The following OPCML variants were observed in gnomAD, a reference collection of about 807,000 sequenced individuals.
OPCML encodes opioid binding protein/cell adhesion molecule like.
Under a neutral mutation model 37.8 loss-of-function variants are expected in OPCML, and 13 were observed. That is an observed-to-expected ratio of 0.34 (90% CI 0.22 to 0.55). The LOEUF is 0.55. Ranked by LOEUF, OPCML falls within the 20% of genes least tolerant of loss-of-function variation. The pLI is 0.91. For synonymous variants in OPCML, 176 were observed against 168.8 expected, an observed-to-expected ratio of 1.04 and a Z score of -0.33; for missense variants, 341 against 435.6, an observed-to-expected ratio of 0.78 and a Z score of 1.93.
rs1053950107 is a variant in OPCML, at chr11:132,762,023, C to T, written c.147-104704G>A. On this transcript the variant is annotated intron_variant, in intron 2 of 7. Coordinates refer to ENST00000524381, the MANE Select transcript of OPCML (RefSeq NM_001012393.5). ...GGTGTCTTTTTTGTTGATGTTGATG[C>T]TCTCGCTTTCTGTTTGTTAGTTTTC... Among the ~76,000 whole-genome samples the T allele has an allele frequency of 3.9e-5, 6 of 152,162 alleles. No individual in the cohort carries two copies. The South Asian group carries it at 1.2e-3, about 31-fold the overall frequency.
intron 1 of OPCML, among the ~76,000 whole-genome samples, chr11:133,346,432 G>T (rs1424825667): frequency 6.6e-6 from 1 of 152,178 alleles, no homozygotes; most frequent in African/African-American, 2.4e-5. Context: ...GAGAACAGAG[G>T]CCAATATCGA....
intron 1 of OPCML, among the ~76,000 whole-genome samples, chr11:133,079,910 A>G (rs544985582): frequency 1.3e-5 from 2 of 152,332 alleles, no homozygotes; most frequent in Non-Finnish European, 2.9e-5. Flanking sequence ...GAAGATAGGC[A>G]TCACTCTCCC....
At position 132,973,035 on chromosome 11, in the gene OPCML, A is replaced by G. The variant is rs567100176; in HGVS notation, c.62-30025T>C. Among the ~76,000 whole-genome samples, 13 of 152,218 alleles carry G rather than the reference A, an allele frequency of 8.5e-5. No individual in the cohort carries two copies. In the South Asian group the frequency reaches 2.7e-3, roughly 32 times the overall value. ...AGCCTCCAGCTATCTCCCTGCACCA[A>G]AGAGTGTCAGCAAGTATGACAGTTT... is the stretch of plus-strand genomic sequence containing the variant. On this transcript the variant is annotated intron_variant, in intron 1 of 7. Transcript: ENST00000524381.
intron 1 of OPCML, among the ~76,000 whole-genome samples, chr11:133,240,533 C>T (rs879944018): frequency 7.9e-5 from 12 of 152,176 alleles, no homozygotes; most frequent in Non-Finnish European, 1.6e-4. Context: ...TGGACCACAA[C>T]AGCTAGCAGC....
intron 2 of OPCML, among the ~76,000 whole-genome samples, chr11:132,828,557 A>G (rs570125210): frequency 6.6e-6 from 1 of 150,976 alleles, no homozygotes; most frequent in South Asian, 2.1e-4. Flanking sequence ...TTTTAAAAAA[A>G]AAAGTCTATT....
At chr11:132,797,374 T>C (rs796572943) in intron 2 of OPCML, among the ~76,000 whole-genome samples, 101 of 152,340 alleles carry the variant, frequency 6.6e-4, no homozygotes, top group African/African-American at 2.4e-3. Context: ...CCTTCTCCAA[T>C]TGAATTGTTT....
At chr11:132,430,777 C>T (rs759247597) in intron 7 of OPCML, among the ~76,000 whole-genome samples, 14 of 152,162 alleles carry the variant, frequency 9.2e-5, no homozygotes, top group Non-Finnish European at 1.9e-4. Flanking sequence ...GCTTTGTTTG[C>T]GTTCTCTCTC....
chr11:132,672,995 T>G (rs1942543553), intron 2 of OPCML, among the ~76,000 whole-genome samples: 2 of 152,196 alleles, frequency 1.3e-5, no homozygotes, highest in Admixed American at 1.3e-4. Context: ...GACTTTGCTC[T>G]TCTTAGGCCT....
chr11:132,991,583 CTTAAT>C (rs1394605872), intron 1 of OPCML, among the ~76,000 whole-genome samples: 1 of 152,056 alleles, frequency 6.6e-6, no homozygotes, highest in Admixed American at 6.5e-5. Context: ...CCTATTTTTG[CTTAAT>C]TTAATTTATT....
chr11:133,236,700 A>G (rs1003800703), intron 1 of OPCML, among the ~76,000 whole-genome samples: 2 of 152,236 alleles, frequency 1.3e-5, no homozygotes, highest in African/African-American at 2.4e-5. Flanking sequence ...CCAAGCAAGC[A>G]TTAGGTCATA....
intron 2 of OPCML, among the ~76,000 whole-genome samples, chr11:132,896,557 C>T (rs144293545): frequency 6.6e-6 from 1 of 152,306 alleles, no homozygotes; most frequent in East Asian, 1.9e-4. Context: ...TTCATAAGGC[C>T]CACCTGAGGC....
At chr11:132,612,370 A>T (rs1938703569) in intron 3 of OPCML, among the ~76,000 whole-genome samples, 1 of 152,240 alleles carries the variant, frequency 6.6e-6, no homozygotes, top group African/African-American at 2.4e-5. Context: ...ATTAAAATTA[A>T]TACAGCTTTC....
Position 133,148,617 on chromosome 11 carries a change from G to A in OPCML, c.62-205607C>T, listed in dbSNP as rs374299834. ...ACTTCATTGCTCGCTCCATCCCACC[G>A]CCCTGCAGGGGGCGAAGAACTGAAA... On this transcript the variant is annotated intron_variant, in intron 1 of 7. Coordinates refer to ENST00000524381, the MANE Select transcript of OPCML (RefSeq NM_001012393.5). 2.4e-4 allele frequency among the ~76,000 whole-genome samples: 37 copies of A among 152,226 alleles called. No individual in the cohort carries two copies. In the South Asian group the frequency reaches 5.4e-3, roughly 22 times the overall value.
chr11:132,438,351 G>A (rs1023386476), intron 4 of OPCML, among the ~76,000 whole-genome samples: 9 of 152,368 alleles, frequency 5.9e-5, no homozygotes, highest in African/African-American at 1.9e-4. Context: ...TTATAGGCCT[G>A]CAGTCCTGAG....
In OPCML at chr11:133,251,570, C is replaced by CT. The variant is rs893992908; in HGVS notation, c.61+280693dup. ...ATCTAGTTTTTTGTTTGTTTGTGTT[C>CT]TTTTTTTGGGGGGGGGAGGGGACAC... On this transcript the variant is annotated intron_variant, in intron 1 of 7. Coordinates refer to ENST00000524381, the MANE Select transcript of OPCML (RefSeq NM_001012393.5). 3.8e-4 allele frequency among the ~76,000 whole-genome samples: 53 copies of CT among 138,476 alleles called. No individual in the cohort carries two copies. The Middle Eastern group carries it at 0.011, about 29-fold the overall frequency. 90.8% of individuals were successfully genotyped at this position (138,476 alleles called of 152,430 possible). A position where few individuals can be genotyped will look rare whatever the true frequency, so the allele number is the denominator to read the frequency against.
intron 1 of OPCML, among the ~76,000 whole-genome samples, chr11:132,944,371 C>A (rs991417505): frequency 6.6e-6 from 1 of 152,166 alleles, no homozygotes; most frequent in African/African-American, 2.4e-5. Flanking sequence ...GCGTGTCCAT[C>A]GCGCTGCGAA....
At chr11:132,823,561 A>G (rs987705006) in intron 2 of OPCML, among the ~76,000 whole-genome samples, 16 of 151,544 alleles carry the variant, frequency 1.1e-4, no homozygotes, top group African/African-American at 3.9e-4. Flanking sequence ...GCATCCAAAC[A>G]TCATCTAGGG....
At chr11:132,444,338 G>T (rs2096047040) in intron 4 of OPCML, among the ~76,000 whole-genome samples, 1 of 152,182 alleles carries the variant, frequency 6.6e-6, no homozygotes, top group Non-Finnish European at 1.5e-5. Flanking sequence ...TTATCCTAGA[G>T]ATCTCCTGGC....
intron 3 of OPCML, among the ~76,000 whole-genome samples, chr11:132,556,518 A>C (rs1166550017): frequency 6.6e-6 from 1 of 152,206 alleles, no homozygotes; most frequent in African/African-American, 2.4e-5. Context: ...CACTTTCCAA[A>C]GGTCACACAA....
Sources: gnomAD v4.1 joint callset for allele counts (sites outside exome capture counted in the v4.1 genomes callset) on GRCh38, gnomAD v4.1.1 for gene constraint, MANE v1.5 for transcripts, NCBI Gene and HGNC (gene_info 2026-07-23, HGNC 2026-07-21) for gene names.